Variants in ELOVL5 observed in about 807,000 individuals in gnomAD.
ELOVL5 encodes very long chain fatty acid elongase 5.
A neutral mutation model predicts 38.6 loss-of-function variants in ELOVL5; 8 were observed. That is an observed-to-expected ratio of 0.21 (90% CI 0.12 to 0.37). The LOEUF is 0.37. ELOVL5 is among the 10% of genes least tolerant of loss of function. The probability of loss-of-function intolerance (pLI) is 1.00; values close to 1 mark genes in which losing one functional copy is unlikely to be tolerated. For synonymous variants in ELOVL5, 127 were observed against 133.7 expected, an observed-to-expected ratio of 0.95 and a Z score of 0.34; for missense variants, 280 against 367.8, an observed-to-expected ratio of 0.76 and a Z score of 1.95.
At chr6:53,305,057 G>A (rs1767432271) in intron 1 of ELOVL5, among the ~76,000 whole-genome samples, 1 of 144,524 alleles carries the variant, frequency 6.9e-6, no homozygotes, top group Admixed American at 6.7e-5. Flanking sequence ...GCGGGGGGCT[G>A]ACCCCCCCCA....
At chr6:53,272,985 A>C (rs890166328) in intron 6 of ELOVL5, among the ~76,000 whole-genome samples, 1 of 152,208 alleles carries the variant, frequency 6.6e-6, no homozygotes, top group African/African-American at 2.4e-5. Context: ...GAAGTTGGCA[A>C]ATTAGATTCT....
At chr6:53,318,672 G>A (rs1458260200) in intron 1 of ELOVL5, among the ~76,000 whole-genome samples, 1 of 151,914 alleles carries the variant, frequency 6.6e-6, no homozygotes, top group African/African-American at 2.4e-5. Flanking sequence ...CCCAGGCGGT[G>A]CTGGCTGCAG....
intron 7 of ELOVL5, 32 bp downstream of exon 7, chr6:53,270,561 G>T: frequency 6.2e-7 from 1 of 1,612,076 alleles, no homozygotes; most frequent in Non-Finnish European, 8.5e-7. Context: ...AAAGGCCCCA[G>T]ATTCCAAGTC....
chr6:53,292,888 G>A (rs1766826633), intron 2 of ELOVL5, among the ~76,000 whole-genome samples: 2 of 152,200 alleles, frequency 1.3e-5, no homozygotes, highest in South Asian at 2.1e-4. Flanking sequence ...CTGAGGAGTA[G>A]TAGCATGAGA....
chr6:53,295,742 A>G, intron 1 of ELOVL5, 35 bp from the exon 2 acceptor site: 1 of 1,307,860 alleles, frequency 7.6e-7, no homozygotes, highest in South Asian at 1.4e-5. Context: ...ATTAATCTCT[A>G]CTCAAAATGT....
intron 3 of ELOVL5, chr6:53,287,980 C>G: frequency 6.6e-7 from 1 of 1,505,136 alleles, no homozygotes; most frequent in East Asian, 2.5e-5. Flanking sequence ...TGCTTAGGGT[C>G]TAAGAGGTCT....
chr6:53,282,227 T>C (rs1229608169), intron 3 of ELOVL5, among the ~76,000 whole-genome samples: 1 of 152,218 alleles, frequency 6.6e-6, no homozygotes, highest in African/African-American at 2.4e-5. Flanking sequence ...CCAGCCAAAG[T>C]ATAATTTGTG....
chr6:53,295,745 CA>C, intron 1 of ELOVL5, 38 bp from the exon 2 acceptor site: 2 of 1,296,016 alleles, frequency 1.5e-6, no homozygotes, highest in Non-Finnish European at 2.1e-6. Flanking sequence ...AATCTCTACT[CA>C]AAATGTTTTT....
intron 1 of ELOVL5, among the ~76,000 whole-genome samples, chr6:53,305,586 T>C (rs1767492684): frequency 6.9e-6 from 1 of 144,082 alleles, no homozygotes; most frequent in South Asian, 2.2e-4. Flanking sequence ...GCCGAGGCGC[T>C]CCCCACATCT....
intron 6 of ELOVL5, 101 bp downstream of exon 6, chr6:53,273,119 G>C (rs1314407125): frequency 5.6e-6 from 7 of 1,245,986 alleles, no homozygotes; most frequent in Non-Finnish European, 7.9e-6. Flanking sequence ...GAAAAAGGGT[G>C]GAGAAGGGGC....
chr6:53,270,920 T>C (rs150393212), intron 6 of ELOVL5, among the ~76,000 whole-genome samples, 193 bp from the exon 7 acceptor site: 1 of 152,232 alleles, frequency 6.6e-6, no homozygotes, highest in East Asian at 1.9e-4. Context: ...GTTTGTCTTA[T>C]ATATATTCTT....
intron 3 of ELOVL5, among the ~76,000 whole-genome samples, chr6:53,288,532 C>A (rs534726453): frequency 6.6e-6 from 1 of 152,266 alleles, no homozygotes; most frequent in African/African-American, 2.4e-5. Flanking sequence ...AATCAGGGAT[C>A]TATGACCTTT....
intron 1 of ELOVL5, among the ~76,000 whole-genome samples, chr6:53,348,155 G>GT (rs1362912090): frequency 1.3e-5 from 2 of 152,118 alleles, no homozygotes; most frequent in Non-Finnish European, 1.5e-5. Flanking sequence ...CCCTCCCTGA[G>GT]TACCAAGGGC....
chr6:53,332,650 G>C (rs1329185752), intron 1 of ELOVL5, among the ~76,000 whole-genome samples: 1 of 152,136 alleles, frequency 6.6e-6, no homozygotes, highest in Non-Finnish European at 1.5e-5. Context: ...AGTGCGTAGA[G>C]GAGTGATCAC....
At chr6:53,292,719 AG>A (rs1766820634) in intron 2 of ELOVL5, among the ~76,000 whole-genome samples, 1 of 152,194 alleles carries the variant, frequency 6.6e-6, no homozygotes, top group Admixed American at 6.5e-5. Context: ...TGAAATTGGG[AG>A]GAAGAGGCTG....
intron 1 of ELOVL5, among the ~76,000 whole-genome samples, chr6:53,341,383 C>T (rs1769318360): frequency 6.6e-6 from 1 of 152,182 alleles, no homozygotes; most frequent in Non-Finnish European, 1.5e-5. Flanking sequence ...ACAAAGATCA[C>T]TACTTAGGTC....
chr6:53,298,401 T>G (rs1275859485), intron 1 of ELOVL5, among the ~76,000 whole-genome samples: 1 of 152,206 alleles, frequency 6.6e-6, no homozygotes, highest in Non-Finnish European at 1.5e-5. Flanking sequence ...TGGGTCACAT[T>G]AAATGTACAA....
rs779370353 is a variant in ELOVL5 at position 53,348,925 on chromosome 6, G to A, written c.-117C>T. On this transcript the variant is annotated 5_prime_UTR_variant, in exon 1 of 8. Coordinates refer to ENST00000304434, the MANE Select transcript of ELOVL5 (RefSeq NM_021814.5). Reference sequence around the variant, plus strand: ...GGCGGATGTAGAAGGAGACACCGGTGGCTAGGACCCGCGCGATGGGAAGAG... The same window carrying A: ...GGCGGATGTAGAAGGAGACACCGGTAGCTAGGACCCGCGCGATGGGAAGAG... The A allele has an allele frequency of 4.5e-6, 2 of 442,872 alleles. No homozygotes were observed. Among genetic ancestry groups the A allele is most frequent in the Non-Finnish European group, 9.1e-6 (2 of 220,716 alleles). 27.4% of individuals were successfully genotyped at this position (442,872 alleles called of 1,614,324 possible).
At chr6:53,309,327 T>C (rs1300219314) in intron 1 of ELOVL5, among the ~76,000 whole-genome samples, 2 of 152,138 alleles carry the variant, frequency 1.3e-5, no homozygotes, top group Non-Finnish European at 2.9e-5. Flanking sequence ...CCAAATCAAA[T>C]GTTTGGCCAA....
Sources: gnomAD v4.1 joint callset for allele counts (sites outside exome capture counted in the v4.1 genomes callset) on GRCh38, gnomAD v4.1.1 for gene constraint, MANE v1.5 for transcripts, NCBI Gene and HGNC (gene_info 2026-07-23, HGNC 2026-07-21) for gene names.